Variants in VAV2 observed in about 807,000 individuals in gnomAD.
VAV2 encodes the protein guanine nucleotide exchange factor VAV2.
A neutral mutation model predicts 132.5 loss-of-function variants in VAV2; 67 were observed. That is an observed-to-expected ratio of 0.51 (90% confidence interval 0.42 to 0.62). The LOEUF (loss-of-function observed/expected upper bound fraction) is 0.62, where lower values mean the gene tolerates loss of function less well. VAV2 is among the 20% of genes least tolerant of loss of function. VAV2 has a pLI of 0.00. For synonymous variants in VAV2, 492 were observed against 443.5 expected (o/e 1.11, Z -1.37); for missense variants, 938 against 1,153.6 (o/e 0.81, Z 2.71).
chr9:133,874,710 T>C (rs1424739581), intron 2 of VAV2, among the ~76,000 whole-genome samples: 1 of 152,126 alleles, frequency 6.6e-6, no homozygotes, highest in Non-Finnish European at 1.5e-5. Context: ...CTGCGCTGCT[T>C]CTTCCTTGGA....
intron 3 of VAV2, among the ~76,000 whole-genome samples, chr9:133,852,343 G>C (rs779805803): frequency 6.5e-4 from 98 of 151,348 alleles, no homozygotes; most frequent in Non-Finnish European, 7.7e-4. Flanking sequence ...ATGGTAGATG[G>C]GTAGATAAGT....
intron 4 of VAV2, among the ~76,000 whole-genome samples, chr9:133,827,096 G>A (rs1037080257): frequency 6.6e-6 from 1 of 152,168 alleles, no homozygotes; most frequent in Non-Finnish European, 1.5e-5. Context: ...GGGGACAGAG[G>A]GCCCCAGGAC....
chr9:133,898,417 T>C (rs1480543846), intron 2 of VAV2, among the ~76,000 whole-genome samples: 2 of 149,978 alleles, frequency 1.3e-5, no homozygotes, highest in African/African-American at 2.5e-5. Context: ...GGCAAAACCT[T>C]GTCTCTACTA....
At chr9:133,979,418 C>T (rs1347557447) in intron 1 of VAV2, among the ~76,000 whole-genome samples, 9 of 151,686 alleles carry the variant, frequency 5.9e-5, no homozygotes, top group Non-Finnish European at 8.8e-5. Flanking sequence ...CAACCACACA[C>T]GAAGCCAGGC....
chr9:133,796,791 T>A (rs1032291821), intron 10 of VAV2, among the ~76,000 whole-genome samples: 2 of 152,192 alleles, frequency 1.3e-5, no homozygotes, highest in Admixed American at 6.5e-5. Flanking sequence ...GGAAACCCTC[T>A]CGGGGCGCCT....
Position 133,789,276 on chromosome 9 carries a change from T to C in VAV2, c.1256A>G (p.Asn419Ser), listed in dbSNP as rs774837732. 5.0e-6 allele frequency: 8 copies of C among 1,613,940 alleles called. No homozygotes were observed. Among genetic ancestry groups the C allele is most frequent in the Non-Finnish European group, 6.8e-6 (8 of 1,179,996 alleles). The change falls in exon 14 of 30, where the codon AAC (asparagine) becomes AGC (serine). Residue 419 changes from asparagine (N) to serine (S), a missense_variant. Asn to Ser is a conservative substitution (Grantham distance 46, BLOSUM62 1). Coordinates refer to ENST00000371850, the MANE Select transcript of VAV2 (RefSeq NM_001134398.2). Reference protein sequence around the residue: ...DGELKVRSIVNHTKQDRYLFL... With the variant: ...DGELKVRSIVSHTKQDRYLFL... Reference sequence around the variant, plus strand: ...TGCTCACCTGTCCTGCTTGGTGTGGTTGACTATGGACCGGACTTTCAGTTC... The same window carrying C: ...TGCTCACCTGTCCTGCTTGGTGTGGCTGACTATGGACCGGACTTTCAGTTC...
chr9:133,957,716 A>G lies in VAV2; in HGVS notation c.205-18497T>C, dbSNP rs1340823948. On this transcript the variant is annotated intron_variant, in intron 1 of 29. Coordinates refer to ENST00000371850, the MANE Select transcript of VAV2 (RefSeq NM_001134398.2). ...CGGGACACCCTGCCTGGGCCACTCCAAGTGACTGTCACAACCCGAGAGCCT... is the reference window on the plus strand; with the variant it reads ...CGGGACACCCTGCCTGGGCCACTCCGAGTGACTGTCACAACCCGAGAGCCT... Among the ~76,000 whole-genome samples the G allele has an allele frequency of 3.9e-5, 6 of 152,198 alleles. No individual in the cohort carries two copies. In the East Asian group the frequency reaches 1.2e-3, roughly 29 times the overall value.
chr9:133,791,400 G>A (rs554782857), intron 13 of VAV2, among the ~76,000 whole-genome samples: 2 of 152,270 alleles, frequency 1.3e-5, no homozygotes, highest in East Asian at 3.9e-4. Context: ...TGGGCCAGGG[G>A]TCCACGAACC....
At chr9:133,832,619 C>T (rs976874058) in intron 4 of VAV2, among the ~76,000 whole-genome samples, 36 of 151,916 alleles carry the variant, frequency 2.4e-4, no homozygotes, top group African/African-American at 7.0e-4. Context: ...AGTGCAGTGG[C>T]GCAATCTTGG....
chr9:133,768,140 T>G lies in VAV2; in HGVS notation c.2589+302A>C, dbSNP rs991404460. ...GCAAGTAATTTGGCGAGTGCAGCTA[T>G]GAGGGCAGCCCAGAATAAAAATGGA... On this transcript the variant is annotated intron_variant, in intron 29 of 29. Coordinates refer to ENST00000371850, the MANE Select transcript of VAV2 (RefSeq NM_001134398.2). This position sits in a 1 kb window ranked among gnomAD's most constrained non-coding sequence, Gnocchi z 5.3. Among the ~76,000 whole-genome samples, 8 of 152,020 alleles carry G rather than the reference T, an allele frequency of 5.3e-5. No homozygotes were observed. Among genetic ancestry groups the G allele is most frequent in the Non-Finnish European group, 7.4e-5 (5 of 67,982 alleles).
At chr9:133,890,868 C>A (rs778525045) in intron 2 of VAV2, among the ~76,000 whole-genome samples, 2 of 152,104 alleles carry the variant, frequency 1.3e-5, no homozygotes, top group Admixed American at 1.3e-4. Context: ...ATGGCACTGC[C>A]TGGGATGTGG....
chr9:133,869,665 G>C (rs921307667), intron 2 of VAV2, among the ~76,000 whole-genome samples: 1 of 152,302 alleles, frequency 6.6e-6, no homozygotes, highest in African/African-American at 2.4e-5. Context: ...TGGCGACCAT[G>C]TGATGAGCCA....
At chr9:133,765,652 G>A (rs1833406140) in intron 29 of VAV2, among the ~76,000 whole-genome samples, 1 of 152,222 alleles carries the variant, frequency 6.6e-6, no homozygotes, top group Non-Finnish European at 1.5e-5. Flanking sequence ...CAGGAGAGAA[G>A]AGCTAGAGAA....
Position 133,902,552 on chromosome 9 carries a change from C to A in VAV2, c.321+36551G>T, listed in dbSNP as rs539156175. On this transcript the variant is annotated intron_variant, in intron 2 of 29. Transcript: ENST00000371850. ...GCCAGGGGTGCTGGGGTGCAGGCTGCAGACAGGTTCCCACATTTGGTGCAG... is the reference window on the plus strand; with the variant it reads ...GCCAGGGGTGCTGGGGTGCAGGCTGAAGACAGGTTCCCACATTTGGTGCAG... 2.6e-5 allele frequency among the ~76,000 whole-genome samples: 4 copies of A among 152,292 alleles called. No individual in the cohort carries two copies. In the South Asian group the frequency reaches 8.3e-4, roughly 32 times the overall value.
At chr9:133,900,952 A>T (rs1360941854) in intron 2 of VAV2, among the ~76,000 whole-genome samples, 2 of 150,792 alleles carry the variant, frequency 1.3e-5, no homozygotes, top group East Asian at 3.9e-4. Flanking sequence ...GGTGCGTGTC[A>T]TCACGCCCGG....
In VAV2 at chr9:133,863,547, A is replaced by T. The variant is rs1837683353; in HGVS notation, c.322-2115T>A. Reference sequence around the variant, plus strand: ...TGTGGCCCCTGTGGACAATTTCTACAGCTGCTATGACCACAGCAGCCTCAG... The same window carrying T: ...TGTGGCCCCTGTGGACAATTTCTACTGCTGCTATGACCACAGCAGCCTCAG... On this transcript the variant is annotated intron_variant, in intron 2 of 29. Transcript: ENST00000371850. This position sits in a 1 kb window ranked among gnomAD's most constrained non-coding sequence, Gnocchi z 5.0. Among the ~76,000 whole-genome samples, 1 of 152,198 alleles carries T rather than the reference A, an allele frequency of 6.6e-6. No homozygotes were observed. Among genetic ancestry groups the T allele is most frequent in the African/African-American group, 2.4e-5 (1 of 41,456 alleles).
rs1051655769 is a variant in VAV2, at chr9:133,824,413, C to A, written c.449+9859G>T. On this transcript the variant is annotated intron_variant, in intron 4 of 29. Transcript: ENST00000371850. This position sits in a 1 kb window ranked among gnomAD's most constrained non-coding sequence, Gnocchi z 5.2. ...CCCCAGCCCAAAACGGCCCTCAGTTCCCGAGAACAGACATAGAAGAGACCC... is the reference window on the plus strand; with the variant it reads ...CCCCAGCCCAAAACGGCCCTCAGTTACCGAGAACAGACATAGAAGAGACCC... Among the ~76,000 whole-genome samples the A allele has an allele frequency of 1.3e-5, 2 of 149,862 alleles. No homozygotes were observed. Among genetic ancestry groups the A allele is most frequent in the Non-Finnish European group, 1.5e-5 (1 of 67,632 alleles).
chr9:133,819,318 G>A lies in VAV2; in HGVS notation c.450-7102C>T, dbSNP rs560728511. On this transcript the variant is annotated intron_variant, in intron 4 of 29. Transcript: ENST00000371850. The stretch of plus-strand genomic sequence containing the variant: ...AAAAAAATTAGCCGGGCGTGGTGGC[G>A]GGTGCCTGTAGTCCCAGCTACTTGG... Among the ~76,000 whole-genome samples the A allele has an allele frequency of 1.8e-4, 27 of 152,008 alleles. No homozygotes were observed. In the East Asian group the frequency reaches 4.1e-3, roughly 23 times the overall value.
At chr9:133,798,889 A>G (rs2428100) in intron 9 of VAV2, among the ~76,000 whole-genome samples, 65,451 of 152,124 alleles carry the variant, frequency 0.43, 16,013 homozygotes, top group African/African-American at 0.68. Context: ...TCCTGGTGAT[A>G]TGCTCTCTGG....
Sources: allele counts gnomAD v4.1 joint callset (sites outside exome capture counted in the v4.1 genomes callset), GRCh38; gene constraint gnomAD v4.1.1; non-coding constraint Gnocchi (gnomAD v3.1); transcripts MANE v1.5; gene names NCBI Gene and HGNC (gene_info 2026-07-23, HGNC 2026-07-21).